Variants in CD36 observed in about 807,000 individuals in gnomAD.
CD36 encodes platelet glycoprotein 4.
A neutral mutation model predicts 55.2 loss-of-function variants in CD36; 119 were observed. The ratio of observed to expected loss-of-function variants is 2.15; its 90% confidence interval spans 1.86 to 2.51. The LOEUF (loss-of-function observed/expected upper bound fraction) is 2.51, where lower values mean the gene tolerates loss of function less well. CD36 is among the 30% of genes most tolerant of loss of function. CD36 has a pLI of 0.00. For missense variants in CD36, 819 were observed against 555.5 expected (o/e 1.47, Z -4.77); for synonymous variants, 186 against 193.6 (o/e 0.96, Z 0.33).
At chr7:80,619,653 G>GAAAAAAAAAAAA (rs34516458) in intron 1 of CD36, among the ~76,000 whole-genome samples, 2 of 125,998 alleles carry the variant, frequency 1.6e-5, no homozygotes, top group Non-Finnish European at 1.6e-5. Context: ...TCTCAAAACA[G>GAAAAAAAAAAAA]AAAAAAAAAA....
At chr7:80,641,456 G>C (rs1051799106) in intron 1 of CD36, among the ~76,000 whole-genome samples, 3 of 152,006 alleles carry the variant, frequency 2.0e-5, no homozygotes, top group Admixed American at 2.0e-4. Flanking sequence ...ATGGACAGAT[G>C]CTGTATTTTT....
intron 1 of CD36, among the ~76,000 whole-genome samples, chr7:80,618,025 T>TAAAGAAA (rs1793261341): frequency 6.6e-6 from 1 of 152,156 alleles, no homozygotes; most frequent in Non-Finnish European, 1.5e-5. Context: ...ATGAATATTG[T>TAAAGAAA]TAGGAGAAAT....
At chr7:80,628,677 C>T (rs1394662341) in intron 1 of CD36, among the ~76,000 whole-genome samples, 1 of 152,030 alleles carries the variant, frequency 6.6e-6, no homozygotes, top group Non-Finnish European at 1.5e-5. Context: ...TGCTTTCAAC[C>T]TGTGAACCCC....
intron 3 of CD36, among the ~76,000 whole-genome samples, chr7:80,655,593 C>A (rs2116560708): frequency 6.6e-6 from 1 of 152,124 alleles, no homozygotes; most frequent in East Asian, 1.9e-4. Context: ...AAAACTACAA[C>A]CCAATAATGA....
intron 14 of CD36, among the ~76,000 whole-genome samples, chr7:80,675,055 G>A (rs1798104558): frequency 1.3e-5 from 2 of 152,124 alleles, no homozygotes; most frequent in South Asian, 4.1e-4. Flanking sequence ...GGAATTTGGG[G>A]ACCAATAATT....
intron 9 of CD36, chr7:80,670,367 A>C (rs1042561195): frequency 1.3e-5 from 4 of 317,862 alleles, no homozygotes; most frequent in African/African-American, 8.7e-5. Context: ...GGCCCAGTAG[A>C]TAACACACAA....
intron 1 of CD36, among the ~76,000 whole-genome samples, chr7:80,631,682 G>A (rs1794079958): frequency 6.6e-6 from 1 of 151,744 alleles, no homozygotes; most frequent in Non-Finnish European, 1.5e-5. Flanking sequence ...TTATAGAATA[G>A]TAGTCTGCCA....
intron 1 of CD36, among the ~76,000 whole-genome samples, chr7:80,609,332 T>C (rs1792745537): frequency 6.6e-6 from 1 of 152,166 alleles, no homozygotes; most frequent in Admixed American, 6.5e-5. Flanking sequence ...TTTGGGGAAA[T>C]GCTTGTGATC....
intron 1 of CD36, among the ~76,000 whole-genome samples, chr7:80,612,804 C>T (rs1792946995): frequency 6.6e-6 from 1 of 152,074 alleles, no homozygotes; most frequent in Admixed American, 6.5e-5. Flanking sequence ...CTCAATCTAG[C>T]TATTTAACAT....
intron 3 of CD36, 126 bp downstream of exon 3, chr7:80,646,986 A>T (rs1795217646): frequency 1.0e-6 from 1 of 1,004,648 alleles, no homozygotes; most frequent in Non-Finnish European, 1.5e-6. Context: ...CATAAAGGTA[A>T]TTATGAACCA....
At chr7:80,670,818 G>A (rs1163202959) in intron 9 of CD36, 159 bp from the exon 10 acceptor site, 1 of 627,526 alleles carries the variant, frequency 1.6e-6, no homozygotes, top group Non-Finnish European at 2.8e-6. Context: ...TTGAGTTTTA[G>A]TATGTGTTAA....
chr7:80,634,407 A>G (rs1204614240), upstream of CD36, among the ~76,000 whole-genome samples: 3 of 152,102 alleles, frequency 2.0e-5, no homozygotes, highest in Non-Finnish European at 2.9e-5. Flanking sequence ...TTTCTTTTAA[A>G]TGGTATCTAC....
upstream of CD36, chr7:80,636,776 T>A (rs1419743396): frequency 6.6e-6 from 1 of 152,092 alleles, no homozygotes; most frequent in East Asian, 1.9e-4. Flanking sequence ...TTGTTTAAGG[T>A]CTATATTTTT....
chr7:80,651,247 G>T (rs540293384), intron 3 of CD36, among the ~76,000 whole-genome samples: 16 of 152,124 alleles, frequency 1.1e-4, no homozygotes, highest in African/African-American at 3.6e-4. Flanking sequence ...GGGTGGGAAG[G>T]GGGAGGAGAG....
chr7:80,649,329 A>G (rs556245451), intron 3 of CD36, among the ~76,000 whole-genome samples: 1 of 152,106 alleles, frequency 6.6e-6, no homozygotes, highest in Non-Finnish European at 1.5e-5. Flanking sequence ...TACAGCAGAA[A>G]GGTTGCAAAG....
At chr7:80,641,647 A>C (rs1794819895) in intron 1 of CD36, among the ~76,000 whole-genome samples, 1 of 152,076 alleles carries the variant, frequency 6.6e-6, no homozygotes, top group Non-Finnish European at 1.5e-5. Flanking sequence ...AGTACCCTGG[A>C]AATCTAAAAC....
In CD36 at chr7:80,621,202, G is replaced by A. The variant is rs1413899553; in HGVS notation, c.-184+18823G>A. On this transcript the variant is annotated intron_variant, in intron 1 of 13. Transcript: ENST00000309881. Reference sequence around the variant, plus strand: ...AAGTATGTACATTTTTTAATGGTATGGCACACTTAATAGACTATAGTATAG... The same window carrying A: ...AAGTATGTACATTTTTTAATGGTATAGCACACTTAATAGACTATAGTATAG... 2.6e-5 allele frequency among the ~76,000 whole-genome samples: 4 copies of A among 152,056 alleles called. No individual in the cohort carries two copies. The South Asian group carries it at 6.2e-4, about 24-fold the overall frequency.
intron 5 of CD36, among the ~76,000 whole-genome samples, chr7:80,661,445 T>C (rs1796524144): frequency 6.6e-6 from 1 of 152,186 alleles, no homozygotes; most frequent in South Asian, 2.1e-4. Context: ...ACATTCTCTA[T>C]ATTTAATTTC....
At chr7:80,670,824 G>T (rs750949507) in intron 9 of CD36, 153 bp from the exon 10 acceptor site, 5 of 643,224 alleles carry the variant, frequency 7.8e-6, no homozygotes, top group Non-Finnish European at 1.1e-5. Context: ...TTTAGTATGT[G>T]TTAAAATTTC....
Sources: allele counts gnomAD v4.1 joint callset (sites outside exome capture counted in the v4.1 genomes callset), GRCh38; gene constraint gnomAD v4.1.1; transcripts MANE v1.5; gene names NCBI Gene and HGNC (gene_info 2026-07-23, HGNC 2026-07-21).